YES1: variants seen among roughly 807,000 people sequenced by gnomAD.
YES1 encodes tyrosine-protein kinase Yes.
Under a neutral mutation model 70.4 loss-of-function variants are expected in YES1, and 39 were observed. The observed-to-expected ratio is 0.55, with a 90% CI of 0.43 to 0.72. The LOEUF is 0.72. YES1 is among the 30% of genes least tolerant of loss of function. YES1 has a pLI of 0.00. For synonymous variants in YES1, 198 were observed against 218.6 expected (o/e 0.91, Z 0.83); for missense variants, 495 against 644.8 (o/e 0.77, Z 2.52).
intron 1 of YES1, among the ~76,000 whole-genome samples, chr18:786,338 G>GT (rs762695937): frequency 6.6e-6 from 1 of 151,972 alleles, no homozygotes; most frequent in Non-Finnish European, 1.5e-5. Flanking sequence ...CCTCCCTAGA[G>GT]TAGGAGGAAG....
At chr18:793,553 T>G (rs1272173483) in intron 1 of YES1, among the ~76,000 whole-genome samples, 1 of 152,000 alleles carries the variant, frequency 6.6e-6, no homozygotes, top group Non-Finnish European at 1.5e-5. Flanking sequence ...CTCAGGCTGG[T>G]CTCAAACTCC....
intron 8 of YES1, among the ~76,000 whole-genome samples, chr18:742,447 CCA>C (rs1232652972): frequency 2.4e-5 from 3 of 127,636 alleles, no homozygotes; most frequent in Non-Finnish European, 4.9e-5. Context: ...AGTTGAGACC[CCA>C]GTCTCTATTT....
intron 1 of YES1, among the ~76,000 whole-genome samples, chr18:807,381 C>G (rs1430890999): frequency 6.6e-6 from 1 of 151,608 alleles, no homozygotes; most frequent in Non-Finnish European, 1.5e-5. Flanking sequence ...CACCTGTGGT[C>G]CGAGCTACTC....
rs745332365 is a variant in YES1, at chr18:739,836, T to C, written c.1061-25A>G. On this transcript the variant is annotated intron_variant, in intron 8 of 11. Coordinates refer to ENST00000314574, the MANE Select transcript of YES1 (RefSeq NM_005433.4). ...CCTGTAACAGACAGCAAGATATTCA[T>C]AAAAAATAAGCAAATCTTATATTAG... is the stretch of plus-strand genomic sequence containing the variant. 10 of 1,576,420 alleles carry C rather than the reference T, an allele frequency of 6.3e-6. No individual in the cohort carries two copies. In the South Asian group the frequency reaches 1.0e-4, roughly 16 times the overall value.
In YES1 at chr18:756,777, T is replaced by A; in HGVS notation, c.51A>T (p.Arg17Ser). 6.2e-7 allele frequency: 1 copy of A among 1,614,136 alleles called. No individual in the cohort carries two copies. The highest frequency in any genetic ancestry group is 8.5e-7 in the Non-Finnish European group (1 of 1,180,012). The change falls in exon 2 of 12, where the codon AGA becomes AGT. Residue 17 changes from arginine (R) to serine (S), a missense_variant. Arg to Ser is a moderately radical substitution (Grantham distance 110, BLOSUM62 -1). This residue lies in a region of YES1 where 110 missense variants were observed against 104.0 expected (regional missense o/e 1.06). Transcript: ENST00000314574. ...TGACAGGCTCTGGAGTATTTTCAGG[T>A]CTGTATTTAATGGCTGGACTTTTGT... ...KENKSPAIKY[R>S]PENTPEPVST...
intron 1 of YES1, among the ~76,000 whole-genome samples, chr18:776,620 C>G (rs972108090): frequency 7.9e-5 from 12 of 152,208 alleles, no homozygotes; most frequent in Admixed American, 3.9e-4. Flanking sequence ...TCCCCAGAAC[C>G]TAGAAGACAG....
intron 1 of YES1, among the ~76,000 whole-genome samples, chr18:806,107 T>C (rs1386954982): frequency 2.6e-5 from 4 of 152,206 alleles, no homozygotes; most frequent in Non-Finnish European, 2.9e-5. Context: ...TCAGGACTTC[T>C]TTTTCTTTTT....
At chr18:780,659 A>G (rs1278669306) in intron 1 of YES1, among the ~76,000 whole-genome samples, 2 of 152,164 alleles carry the variant, frequency 1.3e-5, no homozygotes, top group South Asian at 2.1e-4. Flanking sequence ...TATATGGCCA[A>G]TTGGTCACCA....
At chr18:758,864 A>G (rs898354123) in intron 1 of YES1, among the ~76,000 whole-genome samples, 1 of 152,194 alleles carries the variant, frequency 6.6e-6, no homozygotes, top group African/African-American at 2.4e-5. Flanking sequence ...TAACATTACA[A>G]AATCTGCATT....
At chr18:771,965 A>G (rs1250791352) in intron 1 of YES1, among the ~76,000 whole-genome samples, 1 of 152,156 alleles carries the variant, frequency 6.6e-6, no homozygotes, top group Admixed American at 6.5e-5. Context: ...AATAAGGAAG[A>G]GGCAAGAATT....
At chr18:790,975 T>C (rs1404989195) in intron 1 of YES1, among the ~76,000 whole-genome samples, 2 of 152,142 alleles carry the variant, frequency 1.3e-5, no homozygotes, top group Non-Finnish European at 2.9e-5. Flanking sequence ...CTAGGCTGGG[T>C]GCAGTGGCTC....
intron 3 of YES1, among the ~76,000 whole-genome samples, chr18:750,460 G>A (rs1483273648): frequency 6.6e-6 from 1 of 152,162 alleles, no homozygotes; most frequent in Non-Finnish European, 1.5e-5. Flanking sequence ...TGCGTTTTAA[G>A]ATATTTACCA....
chr18:756,228 A>G (rs2080404415), intron 2 of YES1, among the ~76,000 whole-genome samples: 1 of 151,944 alleles, frequency 6.6e-6, no homozygotes, highest in African/African-American at 2.4e-5. Context: ...GAAGTTGTCA[A>G]ATTCTTGAGG....
chr18:748,988 T>C (rs492937), intron 3 of YES1, among the ~76,000 whole-genome samples: 1 of 151,442 alleles, frequency 6.6e-6, no homozygotes, highest in African/African-American at 2.4e-5. Context: ...TGGTGAAACC[T>C]GGTCTCTACT....
chr18:801,571 T>A (rs1906824175), intron 1 of YES1, among the ~76,000 whole-genome samples: 1 of 152,230 alleles, frequency 6.6e-6, no homozygotes, highest in East Asian at 1.9e-4. Flanking sequence ...TTCCATCTAT[T>A]TCTACTAACT....
intron 1 of YES1, among the ~76,000 whole-genome samples, chr18:787,261 G>A (rs549482380): frequency 1.4e-4 from 21 of 151,138 alleles, no homozygotes; most frequent in Non-Finnish European, 2.4e-4. Context: ...CACCAAGCCC[G>A]GCTAATTTTT....
At position 722,617 on chromosome 18, in the gene YES1, A is replaced by G. The variant is rs570291622; in HGVS notation, c.*1807T>C. ...CACTAATGCTGCTATTCAAATCTGT[A>G]TTTTGAAATTACTGAGTTACTCTTA... is the stretch of plus-strand genomic sequence containing the variant. On this transcript the variant is annotated 3_prime_UTR_variant, in exon 12 of 12. Coordinates refer to ENST00000314574, the MANE Select transcript of YES1 (RefSeq NM_005433.4). 6.6e-6 allele frequency: 1 copy of G among 152,318 alleles called. No homozygotes were observed. The highest frequency in any genetic ancestry group is 2.4e-5 in the African/African-American group (1 of 41,544). 9.4% of individuals were successfully genotyped at this position (152,318 alleles called of 1,614,324 possible). A position where few individuals can be genotyped will look rare whatever the true frequency, so the allele number is the denominator to read the frequency against.
intron 8 of YES1, among the ~76,000 whole-genome samples, chr18:741,660 A>C (rs1361884198): frequency 1.3e-5 from 2 of 151,972 alleles, no homozygotes; most frequent in Non-Finnish European, 2.9e-5. Context: ...CAAATTATCT[A>C]TGTGTGGTGG....
At chr18:780,965 T>A (rs534222696) in intron 1 of YES1, among the ~76,000 whole-genome samples, 56 of 152,226 alleles carry the variant, frequency 3.7e-4, no homozygotes, top group African/African-American at 1.2e-3. Context: ...TCCAAACTCC[T>A]TAACATAAAA....
Sources: gnomAD v4.1 joint callset for allele counts (sites outside exome capture counted in the v4.1 genomes callset) on GRCh38, gnomAD v4.1.1 for gene constraint, gnomAD v4.1.1 regional missense constraint, MANE v1.5 for transcripts, NCBI Gene and HGNC (gene_info 2026-07-23, HGNC 2026-07-21) for gene names.